MCC: variants seen among roughly 807,000 people sequenced by gnomAD.
The protein encoded by MCC is MCC regulator of Wnt signaling pathway.
In MCC, 90 loss-of-function variants were observed where a neutral mutation model predicts 116.2. The ratio of observed to expected loss-of-function variants is 0.77; its 90% CI spans 0.65 to 0.92. MCC has a LOEUF of 0.92. Ranked by LOEUF, MCC falls within the 40% of genes least tolerant of loss-of-function variation. The pLI is 0.00. For synonymous variants in MCC, 578 were observed against 510.5 expected, an observed-to-expected ratio of 1.13 and a Z score of -1.78; for missense variants, 1,516 against 1,312.2, an observed-to-expected ratio of 1.16 and a Z score of -2.40.
chr5:113,179,337 C>T (rs1761495374), intron 3 of MCC, among the ~76,000 whole-genome samples: 1 of 152,208 alleles, frequency 6.6e-6, no homozygotes, highest in Non-Finnish European at 1.5e-5. Context: ...AATCCATTTG[C>T]AGCCTAGCAC....
intron 17 of MCC, among the ~76,000 whole-genome samples, chr5:113,039,022 G>A (rs1487568649): frequency 2.6e-5 from 4 of 152,112 alleles, no homozygotes; most frequent in Non-Finnish European, 4.4e-5. Flanking sequence ...AGGGCAGGGC[G>A]CTGACTCCTG....
At chr5:113,151,581 A>G (rs996462029) in intron 3 of MCC, among the ~76,000 whole-genome samples, 159 bp from the exon 4 acceptor site, 1 of 152,234 alleles carries the variant, frequency 6.6e-6, no homozygotes, top group African/African-American at 2.4e-5. Context: ...GACAACAGGC[A>G]TAAGTCAGGT....
At position 113,083,996 on chromosome 5, in the gene MCC, C is replaced by T. The variant is rs1283680446; in HGVS notation, c.1635+105G>A. ...AGGTATGATTTACTATTATAACTAACTGGTTTATTGGAGATAGACTTTGGA... is the reference window on the plus strand; with the variant it reads ...AGGTATGATTTACTATTATAACTAATTGGTTTATTGGAGATAGACTTTGGA... On this transcript the variant is annotated intron_variant, in intron 10 of 18. Transcript: ENST00000408903. 6.2e-6 allele frequency: 5 copies of T among 810,834 alleles called. No homozygotes were observed. The African/African-American group carries it at 6.9e-5, about 11-fold the overall frequency. The allele number at this position is 810,834 out of a possible 1,614,324, so 50.2% of individuals were successfully genotyped here. A position where few individuals can be genotyped will look rare whatever the true frequency, so the allele number is the denominator to read the frequency against.
At chr5:113,341,985 C>T (rs113884070) in intron 2 of MCC, among the ~76,000 whole-genome samples, 2,880 of 150,234 alleles carry the variant, frequency 0.019, 38 homozygotes, top group Non-Finnish European at 0.024. Context: ...TTATCCCTCA[C>T]CCCCCCACTC....
intron 3 of MCC, among the ~76,000 whole-genome samples, chr5:113,274,604 G>A (rs368797534): frequency 1.3e-5 from 2 of 152,052 alleles, no homozygotes; most frequent in African/African-American, 2.4e-5. Flanking sequence ...TTAGTGGTCC[G>A]ACCGCCTTAG....
chr5:113,109,245 C>T (rs1331985814), intron 6 of MCC, among the ~76,000 whole-genome samples: 1 of 152,032 alleles, frequency 6.6e-6, no homozygotes, highest in African/African-American at 2.4e-5. Context: ...TTCACAGTAG[C>T]CAAAAGGTGG....
chr5:113,374,510 CAA>C (rs767340253), intron 2 of MCC, among the ~76,000 whole-genome samples: 2 of 152,124 alleles, frequency 1.3e-5, no homozygotes, highest in African/African-American at 2.4e-5. Flanking sequence ...AGAGGATAGT[CAA>C]AAGAGTCTAG....
At chr5:113,187,053 A>G (rs1441882829) in intron 3 of MCC, among the ~76,000 whole-genome samples, 1 of 152,236 alleles carries the variant, frequency 6.6e-6, no homozygotes, top group Non-Finnish European at 1.5e-5. Flanking sequence ...CCTATAAGAT[A>G]CAGGATACTT....
intron 6 of MCC, among the ~76,000 whole-genome samples, chr5:113,110,465 T>A (rs1757021972): frequency 6.6e-6 from 1 of 152,218 alleles, no homozygotes; most frequent in African/African-American, 2.4e-5. Flanking sequence ...AGGATTTAGG[T>A]ACACGGTACT....
intron 8 of MCC, among the ~76,000 whole-genome samples, chr5:113,089,172 G>C (rs996290461): frequency 2.0e-5 from 3 of 152,010 alleles, no homozygotes; most frequent in Admixed American, 6.6e-5. Flanking sequence ...TAAACATTAT[G>C]ATGGGAAACA....
chr5:113,270,261 A>C (rs373750162), intron 3 of MCC, among the ~76,000 whole-genome samples: 15 of 152,272 alleles, frequency 9.9e-5, no homozygotes, highest in African/African-American at 3.4e-4. Flanking sequence ...GTAATGAATA[A>C]TACGGCTGTT....
intron 3 of MCC, among the ~76,000 whole-genome samples, chr5:113,247,715 A>G (rs1171274047): frequency 2.6e-5 from 4 of 152,128 alleles, no homozygotes; most frequent in Admixed American, 6.5e-5. Context: ...AGGACGTCCT[A>G]AAGGAAAAGT....
intron 1 of MCC, among the ~76,000 whole-genome samples, chr5:113,392,640 G>A (rs1561549331): frequency 6.6e-6 from 1 of 152,098 alleles, no homozygotes; most frequent in African/African-American, 2.4e-5. Flanking sequence ...AAAGAATTGA[G>A]AAGAGGTTAA....
chr5:113,344,677 AC>A (rs1768091916), intron 2 of MCC, among the ~76,000 whole-genome samples: 1 of 151,872 alleles, frequency 6.6e-6, no homozygotes, highest in South Asian at 2.1e-4. Context: ...TTGTAGACAT[AC>A]CCTGGGCCAG....
chr5:113,066,213 A>ATTG (rs1253342596), intron 13 of MCC, among the ~76,000 whole-genome samples: 1 of 152,216 alleles, frequency 6.6e-6, no homozygotes, highest in African/African-American at 2.4e-5. Context: ...GAGTAGGTAC[A>ATTG]TGCCTAATGA....
At chr5:113,300,361 T>C (rs1009287263) in intron 3 of MCC, among the ~76,000 whole-genome samples, 1 of 152,106 alleles carries the variant, frequency 6.6e-6, no homozygotes, top group Non-Finnish European at 1.5e-5. Flanking sequence ...AACTCTAAAA[T>C]TGTCCCCTTC....
intron 3 of MCC, among the ~76,000 whole-genome samples, chr5:113,325,901 A>T (rs772149616): frequency 6.6e-6 from 1 of 152,132 alleles, no homozygotes. Context: ...ACATGATCTT[A>T]ATGTATCTGA....
intron 1 of MCC, among the ~76,000 whole-genome samples, chr5:113,445,834 AC>A (rs1348113074): frequency 6.6e-6 from 1 of 152,194 alleles, no homozygotes; most frequent in Non-Finnish European, 1.5e-5. Context: ...GCATCACATT[AC>A]CTGACTTCAA....
intron 8 of MCC, among the ~76,000 whole-genome samples, chr5:113,088,268 T>C (rs1480329835): frequency 6.6e-6 from 1 of 152,018 alleles, no homozygotes; most frequent in African/African-American, 2.4e-5. Context: ...AGTGAGAATC[T>C]TAATTTACAG....
Sources: allele counts gnomAD v4.1 joint callset (sites outside exome capture counted in the v4.1 genomes callset), GRCh38; gene constraint gnomAD v4.1.1; transcripts MANE v1.5; gene names NCBI Gene and HGNC (gene_info 2026-07-23, HGNC 2026-07-21).